SEMA4D: variants seen among roughly 807,000 people sequenced by gnomAD.
SEMA4D encodes the protein semaphorin-4D.
In SEMA4D, 22 loss-of-function variants were observed where a neutral mutation model predicts 74.8. That is an observed-to-expected ratio of 0.29 (90% confidence interval 0.21 to 0.42). The LOEUF (loss-of-function observed/expected upper bound fraction) is 0.42, where lower values mean the gene tolerates loss of function less well. SEMA4D is among the 10% of genes least tolerant of loss of function. SEMA4D has a pLI of 1.00. For missense variants in SEMA4D, 937 were observed against 1,118.4 expected (o/e 0.84, Z 2.31); for synonymous variants, 445 against 463.7 (o/e 0.96, Z 0.52).
chr9:89,398,984 T>C (rs1841606552), intron 5 of SEMA4D, among the ~76,000 whole-genome samples: 1 of 152,248 alleles, frequency 6.6e-6, no homozygotes, highest in African/African-American at 2.4e-5. Flanking sequence ...TATTCACCAG[T>C]GTTCTGTAGT....
intron 2 of SEMA4D, chr9:89,450,235 T>C (rs1854023202): frequency 3.3e-6 from 4 of 1,218,704 alleles, no homozygotes; most frequent in Non-Finnish European, 3.6e-6. Context: ...GTATATGCTG[T>C]GGATGTTCTC....
chr9:89,414,428 T>C (rs1406981089), intron 2 of SEMA4D, among the ~76,000 whole-genome samples: 4 of 152,162 alleles, frequency 2.6e-5, no homozygotes, highest in African/African-American at 7.2e-5. Flanking sequence ...TCACCACATC[T>C]TCCCTCCCAG....
rs753614351 is a variant in SEMA4D at position 89,379,160 on chromosome 9, C to A, written c.2133G>T (p.Lys711Asn). The A allele has an allele frequency of 1.1e-5, 17 of 1,614,118 alleles. No homozygotes were observed. The highest frequency in any genetic ancestry group is 1.4e-5 in the Non-Finnish European group (17 of 1,180,020). The change falls in exon 16 of 16, where the codon AAG (lysine) becomes AAT (asparagine). Residue 711 changes from lysine to asparagine, a missense_variant. Lys to Asn is a moderately conservative substitution (Grantham distance 94, BLOSUM62 0). Transcript: ENST00000422704. Reference protein sequence around the residue: ...PAPTGTSCEPKIVINTVPQLH... With the variant: ...PAPTGTSCEPNIVINTVPQLH... ...GCTGGGGGACCGTGTTGATGACGAT[C>A]TTTGGTTCGCAGGATGTGCCGGTGG...
intron 9 of SEMA4D, among the ~76,000 whole-genome samples, chr9:89,390,326 T>A (rs1161978677): frequency 1.3e-5 from 2 of 151,432 alleles, no homozygotes; most frequent in Non-Finnish European, 2.9e-5. Flanking sequence ...ATAGGATGGT[T>A]TCCTGGTCTG....
At chr9:89,427,719 C>T (rs939462851) in intron 2 of SEMA4D, among the ~76,000 whole-genome samples, 13 of 152,216 alleles carry the variant, frequency 8.5e-5, no homozygotes, top group African/African-American at 9.7e-5. Flanking sequence ...AGTCCCATCC[C>T]GGTGTCTGTC....
At position 89,379,269 on chromosome 9, in the gene SEMA4D, G is replaced by T; in HGVS notation, c.2024C>A (p.Ala675Glu). Residue 675 changes from alanine to glutamate, a missense_variant, in exon 16 of 16, where the codon GCA (alanine) becomes GAA (glutamate). Coordinates refer to ENST00000422704, the MANE Select transcript of SEMA4D (RefSeq NM_001371194.2). ...TGGGGGAGAAGACCCTTGGGTGGAT[G>T]CCACCAACACTTTGGTGGCAATCCT... is the stretch of plus-strand genomic sequence containing the variant. ...GSRIATKVLV[A>E]STQGSSPPTP... 6.2e-7 allele frequency: 1 copy of T among 1,614,152 alleles called. No individual in the cohort carries two copies. Among genetic ancestry groups the T allele is most frequent in the Non-Finnish European group, 8.5e-7 (1 of 1,180,020 alleles).
At chr9:89,465,395 A>G (rs140729413) in intron 1 of SEMA4D, among the ~76,000 whole-genome samples, 115 of 152,348 alleles carry the variant, frequency 7.5e-4, no homozygotes, top group Non-Finnish European at 1.4e-3. Flanking sequence ...TCACAAGAGA[A>G]CCAAGGAGGT....
intron 2 of SEMA4D, 150 bp downstream of exon 2, chr9:89,455,738 C>T (rs2135535428): frequency 6.6e-6 from 1 of 152,542 alleles, no homozygotes; most frequent in Non-Finnish European, 1.5e-5. Context: ...GGCCTTCCTC[C>T]CTCACTTTCC....
chr9:89,380,955 A>G, intron 15 of SEMA4D, 100 bp downstream of exon 15: 1 of 1,440,044 alleles, frequency 6.9e-7, no homozygotes. Flanking sequence ...TGGAGAAAGA[A>G]AAACAAAACA....
chr9:89,491,412 T>A (rs1825613320), intron 1 of SEMA4D, among the ~76,000 whole-genome samples: 2 of 152,028 alleles, frequency 1.3e-5, no homozygotes, highest in African/African-American at 4.8e-5. Context: ...TCTACTAAAA[T>A]ACAAAAAATT....
intron 1 of SEMA4D, among the ~76,000 whole-genome samples, chr9:89,464,747 G>A (rs1293430896): frequency 6.6e-6 from 1 of 151,974 alleles, no homozygotes; most frequent in Non-Finnish European, 1.5e-5. Context: ...TCATTCTTTG[G>A]GTCCATTAGG....
intron 1 of SEMA4D, among the ~76,000 whole-genome samples, chr9:89,496,458 GT>G (rs1826019104): frequency 6.6e-6 from 1 of 152,160 alleles, no homozygotes; most frequent in African/African-American, 2.4e-5. Context: ...CTATTTCTTT[GT>G]TTGACTCGCT....
intron 2 of SEMA4D, among the ~76,000 whole-genome samples, chr9:89,451,516 T>C (rs1188529787): frequency 1.3e-5 from 2 of 152,220 alleles, no homozygotes; most frequent in Non-Finnish European, 2.9e-5. Context: ...TGTTCCCTGT[T>C]TGAAATATTG....
intron 2 of SEMA4D, among the ~76,000 whole-genome samples, chr9:89,413,576 GTGT>G (rs1587701675): frequency 6.6e-6 from 1 of 152,250 alleles, no homozygotes; most frequent in East Asian, 1.9e-4. Flanking sequence ...CTGTACAGGT[GTGT>G]TGTGTACATG....
chr9:89,458,015 AGAGC>A (rs1323133203), intron 1 of SEMA4D, among the ~76,000 whole-genome samples: 5 of 152,052 alleles, frequency 3.3e-5, no homozygotes, highest in African/African-American at 9.7e-5. Flanking sequence ...CCTGGTCGAT[AGAGC>A]GAGACTGGGT....
chr9:89,455,113 G>C (rs529914006), intron 2 of SEMA4D, among the ~76,000 whole-genome samples: 1 of 152,278 alleles, frequency 6.6e-6, no homozygotes, highest in Non-Finnish European at 1.5e-5. Flanking sequence ...TCATCACGCT[G>C]TGCCTCCATG....
chr9:89,396,620 T>G, intron 6 of SEMA4D, 117 bp downstream of exon 6: 27 of 885,416 alleles, frequency 3.0e-5, no homozygotes, highest in Non-Finnish European at 4.4e-5. Flanking sequence ...CAGCTGGCTC[T>G]GAGAAAATCC....
chr9:89,377,594 AG>A lies in SEMA4D; in HGVS notation c.*1109del, dbSNP rs1215821161. The A allele has an allele frequency of 6.6e-6, 1 of 152,330 alleles. No individual in the cohort carries two copies. The highest frequency in any genetic ancestry group is 2.4e-5 in the African/African-American group (1 of 41,458). 9.4% of individuals were successfully genotyped at this position (152,330 alleles called of 1,614,324 possible). ...CTCGCGGCCCCGGCCACCGAGGCCC[AG>A]TTCCCTTCCAGTAGTGGGCAGCTCA... On this transcript the variant is annotated 3_prime_UTR_variant, in exon 16 of 16. Transcript: ENST00000422704.
At chr9:89,388,834 A>G (rs7465881) in intron 10 of SEMA4D, 38 bp downstream of exon 10, 624,501 of 1,606,354 alleles carry the variant, frequency 0.39, 123,938 homozygotes, top group African/African-American at 0.54. Flanking sequence ...TGGCGGCATC[A>G]AGGGAGCAAG....
Sources: allele counts gnomAD v4.1 joint callset (sites outside exome capture counted in the v4.1 genomes callset), GRCh38; gene constraint gnomAD v4.1.1; transcripts MANE v1.5; gene names NCBI Gene and HGNC (gene_info 2026-07-23, HGNC 2026-07-21).